The following TNKS variants were observed in gnomAD, a reference collection of about 807,000 sequenced individuals.
The protein encoded by TNKS is tankyrase.
Under a neutral mutation model 135.8 loss-of-function variants are expected in TNKS, and 72 were observed. That is an observed-to-expected ratio of 0.53 (90% CI 0.44 to 0.64). The LOEUF is 0.64. Ranked by LOEUF, TNKS falls within the 30% of genes least tolerant of loss-of-function variation. The pLI is 0.00. For synonymous variants in TNKS, 849 were observed against 649.3 expected, an observed-to-expected ratio of 1.31 and a Z score of -4.68; for missense variants, 1,769 against 1,674.0, an observed-to-expected ratio of 1.06 and a Z score of -0.99.
At chr8:9,556,775 G>A in intron 1 of TNKS, 163 bp downstream of exon 1, 1 of 699,602 alleles carries the variant, frequency 1.4e-6, no homozygotes, top group Non-Finnish European at 2.3e-6. Flanking sequence ...GTGGTGCCTG[G>A]GTGATGGGGG....
chr8:9,619,258 T>A (rs895026507), intron 3 of TNKS, among the ~76,000 whole-genome samples: 1 of 152,158 alleles, frequency 6.6e-6, no homozygotes, highest in African/African-American at 2.4e-5. Context: ...ACATTTAAGT[T>A]AAAGGTGGTT....
chr8:9,614,505 A>G (rs1799568883), intron 2 of TNKS, among the ~76,000 whole-genome samples: 1 of 152,348 alleles, frequency 6.6e-6, no homozygotes, highest in South Asian at 2.1e-4. Flanking sequence ...TATGGCTAAT[A>G]CATTAAAGGA....
At chr8:9,607,863 CT>C (rs1563113112) in intron 2 of TNKS, among the ~76,000 whole-genome samples, 1 of 151,798 alleles carries the variant, frequency 6.6e-6, no homozygotes, top group Non-Finnish European at 1.5e-5. Flanking sequence ...TGAAACACTC[CT>C]TTTTTTTGAC....
chr8:9,580,650 T>A (rs560656596), intron 2 of TNKS, among the ~76,000 whole-genome samples: 1 of 152,158 alleles, frequency 6.6e-6, no homozygotes, highest in African/African-American at 2.4e-5. Flanking sequence ...TTTAGTTAAT[T>A]TATAGTCTCT....
At position 9,778,430 on chromosome 8, in the gene TNKS, C is replaced by T. The variant is rs888564159; in HGVS notation, c.*1694C>T. 4 of 152,600 alleles carry T rather than the reference C, an allele frequency of 2.6e-5. No individual in the cohort carries two copies. Among genetic ancestry groups the T allele is most frequent in the Admixed American group, 1.3e-4 (2 of 15,284 alleles). The allele number at this position is 152,600 out of a possible 1,614,324, so 9.5% of individuals were successfully genotyped here. ...TACATGCAAAACTTCTAGAAATAGA[C>T]TCTTAAAATATATACATTTTGCTTT... On this transcript the variant is annotated 3_prime_UTR_variant, in exon 27 of 27. Coordinates refer to ENST00000310430, the MANE Select transcript of TNKS (RefSeq NM_003747.3).
intron 5 of TNKS, among the ~76,000 whole-genome samples, chr8:9,688,852 G>A (rs867920377): frequency 2.6e-5 from 4 of 152,144 alleles, no homozygotes; most frequent in Non-Finnish European, 5.9e-5. Context: ...TGTTGGTCAA[G>A]CTGGGCTGGA....
At chr8:9,690,346 T>C in intron 5 of TNKS, among the ~76,000 whole-genome samples, 1 of 152,238 alleles carries the variant, frequency 6.6e-6, no homozygotes, top group Non-Finnish European at 1.5e-5. Context: ...AGCTTTATTC[T>C]CACAGAGATT....
intron 2 of TNKS, among the ~76,000 whole-genome samples, chr8:9,587,677 C>G (rs944812174): frequency 1.3e-5 from 2 of 152,148 alleles, no homozygotes; most frequent in Non-Finnish European, 2.9e-5. Flanking sequence ...GCTGGGATTA[C>G]AGGCGTGAGC....
chr8:9,567,607 C>T (rs1036089661), intron 1 of TNKS, among the ~76,000 whole-genome samples: 3 of 152,142 alleles, frequency 2.0e-5, no homozygotes, highest in Non-Finnish European at 2.9e-5. Context: ...TTAGTAGAGA[C>T]GGGGTTTCAC....
intron 3 of TNKS, among the ~76,000 whole-genome samples, chr8:9,654,888 G>A (rs979237174): frequency 4.0e-5 from 6 of 149,548 alleles, no homozygotes; most frequent in African/African-American, 7.7e-5. Context: ...GGGGAGTGCC[G>A]GACAGTGGGT....
chr8:9,673,806 T>A (rs1802415712), intron 3 of TNKS, among the ~76,000 whole-genome samples: 1 of 152,164 alleles, frequency 6.6e-6, no homozygotes, highest in African/African-American at 2.4e-5. Context: ...TCCTAAAGAA[T>A]TGGAAAGCTT....
chr8:9,750,623 A>T (rs1403630440), intron 18 of TNKS, among the ~76,000 whole-genome samples: 1 of 151,920 alleles, frequency 6.6e-6, no homozygotes, highest in Non-Finnish European at 1.5e-5. Context: ...TAACCAGGCC[A>T]CCCTTCACGC....
At chr8:9,587,881 G>A (rs552005119) in intron 2 of TNKS, among the ~76,000 whole-genome samples, 1 of 152,284 alleles carries the variant, frequency 6.6e-6, no homozygotes, top group South Asian at 2.1e-4. Flanking sequence ...ATTTATCTAG[G>A]TTGAGCATCT....
At chr8:9,695,393 C>G (rs1231039124) in intron 5 of TNKS, among the ~76,000 whole-genome samples, 4 of 151,896 alleles carry the variant, frequency 2.6e-5, no homozygotes, top group Non-Finnish European at 5.9e-5. Context: ...GTGGTTCTAG[C>G]TAACTGATAA....
At chr8:9,612,081 T>C (rs976906484) in intron 2 of TNKS, among the ~76,000 whole-genome samples, 12 of 152,194 alleles carry the variant, frequency 7.9e-5, no homozygotes, top group African/African-American at 2.9e-4. Context: ...CTAAAATATG[T>C]AGAGATCACC....
At chr8:9,673,409 A>G (rs1802391833) in intron 3 of TNKS, among the ~76,000 whole-genome samples, 2 of 151,540 alleles carry the variant, frequency 1.3e-5, no homozygotes, top group African/African-American at 4.8e-5. Flanking sequence ...ATATAGGATA[A>G]TAGAGTTGTA....
intron 11 of TNKS, among the ~76,000 whole-genome samples, chr8:9,713,217 A>G (rs906671463): frequency 3.9e-5 from 6 of 152,214 alleles, no homozygotes; most frequent in Admixed American, 1.3e-4. Context: ...TATAAGTAGC[A>G]TCTTGTTGCT....
intron 25 of TNKS, among the ~76,000 whole-genome samples, chr8:9,768,937 T>A (rs1441812023): frequency 6.6e-6 from 1 of 152,142 alleles, no homozygotes; most frequent in African/African-American, 2.4e-5. Flanking sequence ...CAAGATAAAA[T>A]CTCTGGTTAC....
In TNKS at chr8:9,764,781, T is replaced by C. The variant is rs762947645; in HGVS notation, c.3438T>C (p.Asn1146=). 2 of 1,594,040 alleles carry C rather than the reference T, an allele frequency of 1.3e-6. No homozygotes were observed. Among genetic ancestry groups the C allele is most frequent in the Non-Finnish European group, 1.7e-6 (2 of 1,171,894 alleles). Residue 1146 remains asparagine, a synonymous_variant, in exon 23 of 27, where the codon AAT becomes AAC. Coordinates refer to ENST00000310430, the MANE Select transcript of TNKS (RefSeq NM_003747.3). The part of the protein sequence containing the change: ...GNAGGIFNRY[N]VIRIQKVVNK... ...CTGGCGGCATCTTCAACAGATACAA[T>C]GTCATTCGAGTAAGTTTTTAAAGTT...
Sources: gnomAD v4.1 joint callset for allele counts (sites outside exome capture counted in the v4.1 genomes callset) on GRCh38, gnomAD v4.1.1 for gene constraint, MANE v1.5 for transcripts, NCBI Gene and HGNC (gene_info 2026-07-23, HGNC 2026-07-21) for gene names.